ATP8B1: variants seen among roughly 807,000 people sequenced by gnomAD.
ATP8B1 encodes the protein phospholipid-transporting ATPase IC.
A neutral mutation model predicts 149.9 loss-of-function variants in ATP8B1; 80 were observed. The observed-to-expected ratio is 0.53, with a 90% CI of 0.45 to 0.64. The LOEUF is 0.64. Among genes scored for constraint, ATP8B1 ranks in the 30% least tolerant of loss-of-function variants. ATP8B1 has a pLI of 0.00. For missense variants in ATP8B1, 1,247 were observed against 1,552.6 expected, an observed-to-expected ratio of 0.80 and a Z score of 3.31; for synonymous variants, 536 against 562.8, an observed-to-expected ratio of 0.95 and a Z score of 0.67.
Position 57,685,071 on chromosome 18 carries a change from C to T in ATP8B1, c.1473+1G>A. ...ACGATTCTTCGGCTTAAAGGTCTTA[C>T]CTCTATTTTGTTGTGGTTGTGTTGA... On this transcript the variant is annotated splice_donor_variant, in intron 14 of 27. Coordinates refer to ENST00000648908, the MANE Select transcript of ATP8B1 (RefSeq NM_001374385.1). LOFTEE classifies it high-confidence loss of function. The T allele has an allele frequency of 1.2e-6, 2 of 1,614,168 alleles. No homozygotes were observed. The highest frequency in any genetic ancestry group is 1.7e-6 in the Non-Finnish European group (2 of 1,180,002).
Position 57,795,212 on chromosome 18 carries a change from G to A in ATP8B1, c.-26+7786C>T, listed in dbSNP as rs147711889. Among the ~76,000 whole-genome samples the A allele has an allele frequency of 3.6e-3, 544 of 151,672 alleles. 6 individuals are homozygous for A. The highest frequency in any genetic ancestry group is 0.031 in the Admixed American group (473 of 15,190). On this transcript the variant is annotated intron_variant, in intron 1 of 27. Coordinates refer to ENST00000648908, the MANE Select transcript of ATP8B1 (RefSeq NM_001374385.1). ...TGGAGTTCAGCCTGGGCGACATATC[G>A]AGACACACAGACACACACACACACA...
Position 57,648,574 on chromosome 18 carries a change from C to CGGAGGAA in ATP8B1, c.3669_3670insTTCCTCC (p.Gly1224PhefsTer14). ...GAGCGCTTCTTGCGGATGCTGCGCC[C>CGGAGGAA]GGAGGAGATGAGGTCCGCGTAGCCC... is the stretch of plus-strand genomic sequence containing the variant. On this transcript the variant is annotated frameshift_variant, in exon 28 of 28. Transcript: ENST00000648908. LOFTEE classifies it high-confidence loss of function. 1 of 1,611,344 alleles carries CGGAGGAA rather than the reference C, an allele frequency of 6.2e-7. No individual in the cohort carries two copies. The highest frequency in any genetic ancestry group is 1.1e-5 in the South Asian group (1 of 90,990).
chr18:57,780,734 C>G (rs779448519), intron 1 of ATP8B1, among the ~76,000 whole-genome samples: 11 of 152,176 alleles, frequency 7.2e-5, no homozygotes, highest in Admixed American at 7.2e-4. Flanking sequence ...ATATTGTACA[C>G]GATATGTAAA....
chr18:57,648,758 A>G, intron 27 of ATP8B1, 46 bp from the exon 28 acceptor site: 2 of 1,538,900 alleles, frequency 1.3e-6, no homozygotes, highest in Non-Finnish European at 8.8e-7. Flanking sequence ...GATCCACACC[A>G]GGGAGGAGGC....
At position 57,648,705 on chromosome 18, in the gene ATP8B1, T is replaced by A; in HGVS notation, c.3539A>T (p.Lys1180Met). Reference sequence around the variant, plus strand: ...CTCCGCCTTCAACCGCTTGCGATGCTTCTGGATCTGCAAGGGGGAGAGATG... The same window carrying A: ...CTCCGCCTTCAACCGCTTGCGATGCATCTGGATCTGCAAGGGGGAGAGATG... ...IWPSESDKIQKHRKRLKAEEQ... is the reference protein window; with the variant it reads ...IWPSESDKIQMHRKRLKAEEQ... The change falls in exon 28 of 28, where the codon AAG (lysine) becomes ATG (methionine). Residue 1180 changes from lysine (K) to methionine (M), a missense_variant. Physicochemically the swap from Lys to Met is moderately conservative, Grantham distance 95. Transcript: ENST00000648908. 2 of 1,553,626 alleles carry A rather than the reference T, an allele frequency of 1.3e-6. No homozygotes were observed. Among genetic ancestry groups the A allele is most frequent in the Non-Finnish European group, 1.7e-6 (2 of 1,149,034 alleles).
Position 57,741,276 on chromosome 18 carries a change from G to A in ATP8B1, c.-25-9444C>T, listed in dbSNP as rs1221222232. Among the ~76,000 whole-genome samples the A allele has an allele frequency of 1.1e-4, 17 of 152,120 alleles. 1 individual carries two copies. Among genetic ancestry groups the A allele is most frequent in the Admixed American group, 1.1e-3 (17 of 15,264 alleles). ...ACCAATAGAATATGGCGCAGGTAATGGGATGTCACTTCCATGATTAGGTTA... is the reference window on the plus strand; with the variant it reads ...ACCAATAGAATATGGCGCAGGTAATAGGATGTCACTTCCATGATTAGGTTA... On this transcript the variant is annotated intron_variant, in intron 1 of 27. Coordinates refer to ENST00000648908, the MANE Select transcript of ATP8B1 (RefSeq NM_001374385.1).
At chr18:57,671,777 C>T (rs1251497297) in intron 16 of ATP8B1, among the ~76,000 whole-genome samples, 197 bp from the exon 17 acceptor site, 1 of 152,056 alleles carries the variant, frequency 6.6e-6, no homozygotes, top group Non-Finnish European at 1.5e-5. Context: ...TGCATGCCAC[C>T]ATGCCTGGCT....
chr18:57,667,792 AT>A (rs1005909431), intron 19 of ATP8B1, among the ~76,000 whole-genome samples: 1 of 151,688 alleles, frequency 6.6e-6, no homozygotes, highest in East Asian at 1.9e-4. Context: ...TTACGTGAAG[AT>A]TTTTTTTCCT....
chr18:57,655,080 G>T, intron 23 of ATP8B1, 114 bp downstream of exon 23: 1 of 958,502 alleles, frequency 1.0e-6, no homozygotes, highest in Non-Finnish European at 1.6e-6. Context: ...ACTGTAAGGA[G>T]ACACAGCCCC....
At chr18:57,701,628 T>G (rs1913127769) in intron 4 of ATP8B1, among the ~76,000 whole-genome samples, 1 of 152,078 alleles carries the variant, frequency 6.6e-6, no homozygotes, top group Non-Finnish European at 1.5e-5. Flanking sequence ...AAATCTTTTG[T>G]GAAAATCATA....
chr18:57,788,354 G>C (rs996028882), intron 1 of ATP8B1, among the ~76,000 whole-genome samples: 1 of 152,174 alleles, frequency 6.6e-6, no homozygotes, highest in Non-Finnish European at 1.5e-5. Context: ...AGGAGTTTGA[G>C]ATCAGCTTGG....
At chr18:57,752,703 A>C (rs1267138991) in intron 1 of ATP8B1, among the ~76,000 whole-genome samples, 1 of 152,230 alleles carries the variant, frequency 6.6e-6, no homozygotes, top group Admixed American at 6.5e-5. Flanking sequence ...GTAGGAAAAC[A>C]ATAAAAACTT....
At chr18:57,730,401 T>A (rs953735970) in intron 2 of ATP8B1, among the ~76,000 whole-genome samples, 1 of 151,986 alleles carries the variant, frequency 6.6e-6, no homozygotes, top group African/African-American at 2.4e-5. Context: ...TGATAATGAT[T>A]TCTGTGAATG....
chr18:57,706,386 A>T lies in ATP8B1; in HGVS notation c.279+104T>A. 4.8e-6 allele frequency: 4 copies of T among 838,290 alleles called. No individual in the cohort carries two copies. In the South Asian group the frequency reaches 5.6e-5, roughly 12 times the overall value. The allele number at this position is 838,290 out of a possible 1,614,324, so 51.9% of individuals were successfully genotyped here. ...ATGATGATTATCAGTAGCCCCAGGCAGGTGGTTACGTGGAAGGCAGGTGTA... is the reference window on the plus strand; with the variant it reads ...ATGATGATTATCAGTAGCCCCAGGCTGGTGGTTACGTGGAAGGCAGGTGTA... On this transcript the variant is annotated intron_variant, in intron 3 of 27. Transcript: ENST00000648908.
chr18:57,761,112 T>TATAAAATAAA (rs55658113), intron 1 of ATP8B1, among the ~76,000 whole-genome samples: 3,082 of 133,500 alleles, frequency 0.023, 63 homozygotes, highest in East Asian at 0.033. Context: ...TAAAATAAAA[T>TATAAAATAAA]ATAAAATAAA....
chr18:57,683,100 T>C (rs568262513), intron 15 of ATP8B1, among the ~76,000 whole-genome samples: 4 of 152,312 alleles, frequency 2.6e-5, no homozygotes, highest in African/African-American at 9.6e-5. Flanking sequence ...AATGCTGGGA[T>C]TACAGGTGTG....
At chr18:57,785,836 T>C (rs1203407314) in intron 1 of ATP8B1, among the ~76,000 whole-genome samples, 1 of 152,220 alleles carries the variant, frequency 6.6e-6, no homozygotes, top group Admixed American at 6.5e-5. Flanking sequence ...GTGACTATTA[T>C]ACTAAGTTAT....
rs1274314686 is a variant in ATP8B1, at chr18:57,795,597, A to G, written c.-26+7401T>C. ...TTAAGGACATTACACTAGTGAAATA[A>G]GCTAGTCATAAAAGGGCAAATATTG... On this transcript the variant is annotated intron_variant, in intron 1 of 27. Coordinates refer to ENST00000648908, the MANE Select transcript of ATP8B1 (RefSeq NM_001374385.1). 3.3e-5 allele frequency among the ~76,000 whole-genome samples: 5 copies of G among 152,234 alleles called. No individual in the cohort carries two copies. In the East Asian group the frequency reaches 9.6e-4, roughly 29 times the overall value.
At chr18:57,670,102 T>C (rs1009570671) in intron 17 of ATP8B1, among the ~76,000 whole-genome samples, 1 of 152,192 alleles carries the variant, frequency 6.6e-6, no homozygotes, top group Non-Finnish European at 1.5e-5. Flanking sequence ...TAGGAAAATA[T>C]CAGACCAAGG....
Sources: gnomAD v4.1 joint callset for allele counts (sites outside exome capture counted in the v4.1 genomes callset) on GRCh38, gnomAD v4.1.1 for gene constraint, MANE v1.5 for transcripts, NCBI Gene and HGNC (gene_info 2026-07-23, HGNC 2026-07-21) for gene names.